The following DNAH6 variants were observed in gnomAD, a reference collection of about 807,000 sequenced individuals.
The protein encoded by DNAH6 is axonemal beta dynein heavy chain 6.
DNAH6 carries 340 observed loss-of-function variants against 491.4 expected under a neutral mutation model. The ratio of observed to expected loss-of-function variants is 0.69; its 90% confidence interval spans 0.63 to 0.76. The LOEUF is 0.76. Ranked by LOEUF, DNAH6 falls within the 30% of genes least tolerant of loss-of-function variation. The pLI is 0.00. For synonymous variants in DNAH6, 1,603 were observed against 1,686.1 expected, an observed-to-expected ratio of 0.95 and a Z score of 1.21; for missense variants, 4,443 against 4,972.2, an observed-to-expected ratio of 0.89 and a Z score of 3.20.
intron 12 of DNAH6, among the ~76,000 whole-genome samples, chr2:84,574,880 C>T (rs574406982): frequency 2.0e-5 from 3 of 152,328 alleles, no homozygotes; most frequent in Admixed American, 1.3e-4. Context: ...CCACAGTCCT[C>T]ACGTTGGATA....
intron 58 of DNAH6, among the ~76,000 whole-genome samples, chr2:84,717,974 G>A (rs1697710224): frequency 6.6e-6 from 1 of 152,188 alleles, no homozygotes; most frequent in African/African-American, 2.4e-5. Flanking sequence ...TCAGTAGTAT[G>A]CATCTCTAAA....
chr2:84,528,881 T>TTC (rs1056738765), intron 3 of DNAH6, 23 bp from the exon 4 acceptor site: 1 of 1,513,102 alleles, frequency 6.6e-7, no homozygotes, highest in African/African-American at 1.4e-5. Flanking sequence ...CATTTTTTTT[T>TTC]TTCAAAAATT....
intron 37 of DNAH6, among the ~76,000 whole-genome samples, chr2:84,666,313 T>A (rs1364167033): frequency 1.3e-5 from 2 of 152,134 alleles, no homozygotes; most frequent in East Asian, 1.9e-4. Flanking sequence ...AGTCAAATTG[T>A]CCCTGTTTGC....
chr2:84,605,647 T>C, intron 20 of DNAH6, 55 bp downstream of exon 20: 1 of 1,135,804 alleles, frequency 8.8e-7, no homozygotes, highest in East Asian at 2.6e-5. Flanking sequence ...ACACCTAGTC[T>C]TAAATCTTCT....
chr2:84,523,690 C>T (rs1676350460), intron 2 of DNAH6, among the ~76,000 whole-genome samples: 2 of 152,042 alleles, frequency 1.3e-5, no homozygotes, highest in African/African-American at 4.8e-5. Context: ...TTTTTAATTT[C>T]TGCCTTAACT....
chr2:84,518,196 A>C, intron 2 of DNAH6, 145 bp downstream of exon 2: 1 of 641,226 alleles, frequency 1.6e-6, no homozygotes, highest in Non-Finnish European at 2.7e-6. Context: ...TGTAGTTGTA[A>C]ATACGGTAAA....
At chr2:84,474,290 G>A in the DNAH6 span, among the ~76,000 whole-genome samples, 1 of 152,138 alleles carries the variant, frequency 6.6e-6, no homozygotes, top group African/African-American at 2.4e-5. Flanking sequence ...GGAGCAAGTA[G>A]GCTCTATATG....
intron 32 of DNAH6, among the ~76,000 whole-genome samples, chr2:84,641,026 T>C (rs55924248): frequency 0.012 from 1,882 of 152,340 alleles, 43 homozygotes; most frequent in African/African-American, 0.043. Flanking sequence ...GTTCAGCTTA[T>C]GTCTTAGATT....
intron 3 of DNAH6, among the ~76,000 whole-genome samples, chr2:84,527,618 A>G (rs958655431): frequency 3.9e-5 from 6 of 152,224 alleles, no homozygotes; most frequent in African/African-American, 7.2e-5. Flanking sequence ...GGTTTGGCCT[A>G]TTCATTCTCA....
chr2:84,531,856 G>A (rs1312397428), intron 4 of DNAH6, among the ~76,000 whole-genome samples: 1 of 151,880 alleles, frequency 6.6e-6, no homozygotes, highest in East Asian at 1.9e-4. Context: ...TAATAATATT[G>A]TCATTCCTAC....
At chr2:84,752,603 C>T (rs1233622097) in intron 63 of DNAH6, among the ~76,000 whole-genome samples, 2 of 151,912 alleles carry the variant, frequency 1.3e-5, no homozygotes, top group East Asian at 1.9e-4. Flanking sequence ...TACCCATAGC[C>T]GTCATCCCCC....
the DNAH6 span, among the ~76,000 whole-genome samples, chr2:84,497,286 CTT>C: frequency 6.6e-6 from 1 of 152,036 alleles, no homozygotes; most frequent in Non-Finnish European, 1.5e-5. Context: ...AATATGTACT[CTT>C]TTGTGTCTGG....
intron 56 of DNAH6, among the ~76,000 whole-genome samples, chr2:84,712,190 A>T (rs1056458086): frequency 2.6e-5 from 4 of 152,230 alleles, no homozygotes; most frequent in Non-Finnish European, 4.4e-5. Context: ...ATCAGTTTAG[A>T]CCATCTCAAT....
At chr2:84,478,732 A>G in the DNAH6 span, among the ~76,000 whole-genome samples, 41 of 152,190 alleles carry the variant, frequency 2.7e-4, no homozygotes, top group Admixed American at 2.4e-3. Flanking sequence ...GCTGTTTGTT[A>G]TAGGCCCAAC....
At chr2:84,640,324 C>G in intron 31 of DNAH6, 106 bp from the exon 32 acceptor site, 1 of 717,766 alleles carries the variant, frequency 1.4e-6, no homozygotes, top group African/African-American at 1.8e-5. Flanking sequence ...GACATAACAA[C>G]TTGGAAAGTA....
chr2:84,810,042 C>CCACA (rs1456860651), intron 72 of DNAH6, among the ~76,000 whole-genome samples: 1 of 152,094 alleles, frequency 6.6e-6, no homozygotes, highest in Admixed American at 6.5e-5. Flanking sequence ...CTTGCCCTTT[C>CCACA]CACATCATGA....
chr2:84,796,260 A>AT, intron 68 of DNAH6, 46 bp from the exon 69 acceptor site: 1 of 1,318,438 alleles, frequency 7.6e-7, no homozygotes, highest in Non-Finnish European at 1.0e-6. Context: ...ATGCCTATCA[A>AT]TTTTTTAAAA....
At position 84,707,592 on chromosome 2, in the gene DNAH6, A is replaced by G; in HGVS notation, c.8924A>G (p.Gln2975Arg). The change falls in exon 54 of 77, where the codon CAG (glutamine) becomes CGG (arginine). Residue 2975 changes from glutamine (Q) to arginine (R), a missense_variant. Physicochemically the swap from Gln to Arg is conservative, Grantham distance 43 (BLOSUM62 1). This residue lies in a region of DNAH6 where 1,463 missense variants were observed against 1,656.6 expected (regional missense o/e 0.88). Coordinates refer to ENST00000389394, the MANE Select transcript of DNAH6 (RefSeq NM_001370.2). ...CTGACAGCAGCATTAGAAGATGAGC[A>G]GGTTCGATGGGAAGAAAGCATACAG... ...GKLTAALEDE[Q>R]VRWEESIQKF... 6.4e-7 allele frequency: 1 copy of G among 1,552,188 alleles called. No homozygotes were observed. The highest frequency in any genetic ancestry group is 8.7e-7 in the Non-Finnish European group (1 of 1,147,086).
At chr2:84,549,801 C>T in intron 8 of DNAH6, 88 bp from the exon 9 acceptor site, 2 of 868,028 alleles carry the variant, frequency 2.3e-6, no homozygotes, top group Non-Finnish European at 3.4e-6. Context: ...TGATATTTTA[C>T]ATTTTAAATA....
Sources: allele counts gnomAD v4.1 joint callset (sites outside exome capture counted in the v4.1 genomes callset), GRCh38; gene constraint gnomAD v4.1.1; regional missense constraint gnomAD v4.1.1; transcripts MANE v1.5; gene names NCBI Gene and HGNC (gene_info 2026-07-23, HGNC 2026-07-21).